TSHZ2: variants seen among roughly 807,000 people sequenced by gnomAD.
TSHZ2 encodes teashirt homolog 2.
Under a neutral mutation model 74.4 loss-of-function variants are expected in TSHZ2, and 21 were observed. The ratio of observed to expected loss-of-function variants is 0.28; its 90% CI spans 0.20 to 0.41. The LOEUF (loss-of-function observed/expected upper bound fraction) is 0.41, where lower values mean the gene tolerates loss of function less well. TSHZ2 is among the 10% of genes least tolerant of loss of function. The probability of loss-of-function intolerance (pLI) is 1.00; values close to 1 mark genes in which losing one functional copy is unlikely to be tolerated. For synonymous variants in TSHZ2, 540 were observed against 515.3 expected (o/e 1.05, Z -0.65); for missense variants, 1,244 against 1,293.5 (o/e 0.96, Z 0.59).
At chr20:53,194,676 G>A (rs1020679697) in intron 1 of TSHZ2, among the ~76,000 whole-genome samples, 1 of 152,246 alleles carries the variant, frequency 6.6e-6, no homozygotes, top group South Asian at 2.1e-4. Flanking sequence ...CATTAAGTCA[G>A]TGGCATTAAT....
At chr20:53,117,534 A>T (rs6126759) in intron 1 of TSHZ2, among the ~76,000 whole-genome samples, 1 of 152,162 alleles carries the variant, frequency 6.6e-6, no homozygotes, top group Non-Finnish European at 1.5e-5. Flanking sequence ...CATTGTGCAC[A>T]TAAGACAGGG....
At position 53,436,533 on chromosome 20, in the gene TSHZ2, A is replaced by ATT. The variant is rs1444141242; in HGVS notation, c.*9-50610_*9-50609dup. ...GGGCTTATTTTATTTATTTATTATTATTATTATTATTATTATTTTTTTTTT... is the reference window on the plus strand; with the variant it reads ...GGGCTTATTTTATTTATTTATTATTATTTTATTATTATTATTATTTTTTTTTT... On this transcript the variant is annotated intron_variant, in intron 2 of 2. Coordinates refer to ENST00000371497, the MANE Select transcript of TSHZ2 (RefSeq NM_173485.6). 7.6e-4 allele frequency among the ~76,000 whole-genome samples: 88 copies of ATT among 115,844 alleles called. 1 individual carries two copies. The highest frequency in any genetic ancestry group is 2.1e-3 in the African/African-American group (61 of 28,518). 76.0% of individuals were successfully genotyped at this position (115,844 alleles called of 152,430 possible). A position where few individuals can be genotyped will look rare whatever the true frequency, so the allele number is the denominator to read the frequency against.
intron 1 of TSHZ2, among the ~76,000 whole-genome samples, chr20:53,120,119 C>G (rs1258566487): frequency 1.3e-5 from 2 of 152,232 alleles, no homozygotes; most frequent in East Asian, 3.8e-4. Flanking sequence ...TTTCCATCCA[C>G]CACGGATACA....
Position 53,029,803 on chromosome 20 carries a change from ACT to A in TSHZ2, c.40+56472_40+56473del, listed in dbSNP as rs58368110. ...ATGATCACATTTTGTGTTTTATAAAACTCAAAGTGGGAGGAGCTTTCCTTTTT... is the reference window on the plus strand; with the variant it reads ...ATGATCACATTTTGTGTTTTATAAAACAAAGTGGGAGGAGCTTTCCTTTTT... On this transcript the variant is annotated intron_variant, in intron 1 of 2. Transcript: ENST00000371497. Among the ~76,000 whole-genome samples, 1,003 of 152,274 alleles carry A rather than the reference ACT, an allele frequency of 6.6e-3. 7 individuals carry two copies. The highest frequency in any genetic ancestry group is 0.023 in the African/African-American group (966 of 41,538).
intron 2 of TSHZ2, among the ~76,000 whole-genome samples, chr20:53,315,278 G>T (rs1978957819): frequency 6.6e-6 from 1 of 152,160 alleles, no homozygotes; most frequent in African/African-American, 2.4e-5. Flanking sequence ...TGTAGATTTG[G>T]TAAATAACAC....
At chr20:53,339,677 G>A (rs1980101334) in intron 2 of TSHZ2, among the ~76,000 whole-genome samples, 1 of 152,106 alleles carries the variant, frequency 6.6e-6, no homozygotes, top group Admixed American at 6.6e-5. Flanking sequence ...CATGAAGCTG[G>A]CCCTGGAATG....
At chr20:53,366,633 TGA>T (rs1399372887) in intron 2 of TSHZ2, among the ~76,000 whole-genome samples, 1 of 152,132 alleles carries the variant, frequency 6.6e-6, no homozygotes, top group East Asian at 1.9e-4. Context: ...AGACATTAAA[TGA>T]GAGAGGCTAG....
At chr20:53,144,841 T>C (rs1987500677) in intron 1 of TSHZ2, among the ~76,000 whole-genome samples, 1 of 151,190 alleles carries the variant, frequency 6.6e-6, no homozygotes, top group South Asian at 2.1e-4. Flanking sequence ...GAAAGATGAA[T>C]TAAATATATA....
chr20:52,980,830 G>A (rs532983522), intron 1 of TSHZ2, among the ~76,000 whole-genome samples: 15 of 152,190 alleles, frequency 9.9e-5, no homozygotes, highest in Non-Finnish European at 2.2e-4. Flanking sequence ...GTGTAAGTGA[G>A]AGCAGTGGCA....
intron 2 of TSHZ2, among the ~76,000 whole-genome samples, chr20:53,277,865 G>T (rs1990977488): frequency 6.6e-6 from 1 of 152,192 alleles, no homozygotes; most frequent in African/African-American, 2.4e-5. Context: ...GCTGAGATTG[G>T]TCCACCCAGA....
chr20:53,007,718 G>T (rs965315851), intron 1 of TSHZ2, among the ~76,000 whole-genome samples: 1 of 143,944 alleles, frequency 6.9e-6, no homozygotes, highest in Non-Finnish European at 1.5e-5. Context: ...ATGTATACTC[G>T]TGTGTGTGTA....
chr20:53,436,533 A>ATTTTT (rs1444141242), intron 2 of TSHZ2, among the ~76,000 whole-genome samples: 9 of 115,968 alleles, frequency 7.8e-5, no homozygotes, highest in African/African-American at 2.8e-4. Flanking sequence ...ATTTATTATT[A>ATTTTT]TTATTATTAT....
intron 1 of TSHZ2, among the ~76,000 whole-genome samples, chr20:53,121,464 T>G (rs1046303590): frequency 6.6e-6 from 1 of 152,174 alleles, no homozygotes; most frequent in Admixed American, 6.5e-5. Context: ...TGGCAGGCAG[T>G]TGACACTGCA....
At chr20:53,357,431 G>A (rs1399248476) in intron 2 of TSHZ2, among the ~76,000 whole-genome samples, 1 of 152,084 alleles carries the variant, frequency 6.6e-6, no homozygotes, top group Non-Finnish European at 1.5e-5. Context: ...TTGGGAGGCT[G>A]AAGTGGGAGA....
At chr20:53,175,979 C>T (rs969533126) in intron 1 of TSHZ2, among the ~76,000 whole-genome samples, 7 of 152,178 alleles carry the variant, frequency 4.6e-5, no homozygotes, top group African/African-American at 1.7e-4. Context: ...AAATAAACAA[C>T]GTAATTTCAG....
At chr20:53,236,724 C>T (rs1396788265) in intron 1 of TSHZ2, among the ~76,000 whole-genome samples, 1 of 152,314 alleles carries the variant, frequency 6.6e-6, no homozygotes, top group East Asian at 1.9e-4. Flanking sequence ...CACAGTTCTG[C>T]ATTACTTGAG....
At chr20:53,172,203 G>A (rs531302268) in intron 1 of TSHZ2, among the ~76,000 whole-genome samples, 3 of 152,200 alleles carry the variant, frequency 2.0e-5, no homozygotes, top group African/African-American at 7.2e-5. Flanking sequence ...GAATTAAAGT[G>A]TAAGTCCCAA....
chr20:53,254,160 G>C lies in TSHZ2; in HGVS notation c.702G>C (p.Met234Ile). 6.2e-7 allele frequency: 1 copy of C among 1,614,112 alleles called. No homozygotes were observed. Among genetic ancestry groups the C allele is most frequent in the Non-Finnish European group, 8.5e-7 (1 of 1,180,020 alleles). Residue 234 changes from methionine to isoleucine, a missense_variant, in exon 2 of 3, where the codon ATG becomes ATC. Transcript: ENST00000371497. ...CCCTAGTCGAGCTGACTGTGCACAT[G>C]AATGAAACGGGCCACTATCAAGATG... ...YDTLVELTVH[M>I]NETGHYQDDN...
At chr20:53,119,320 C>T (rs980326471) in intron 1 of TSHZ2, among the ~76,000 whole-genome samples, 5 of 152,178 alleles carry the variant, frequency 3.3e-5, no homozygotes, top group African/African-American at 7.2e-5. Flanking sequence ...TTCTAGATAT[C>T]GGTGTCACAT....
Sources: allele counts gnomAD v4.1 joint callset (sites outside exome capture counted in the v4.1 genomes callset), GRCh38; gene constraint gnomAD v4.1.1; transcripts MANE v1.5; gene names NCBI Gene and HGNC (gene_info 2026-07-23, HGNC 2026-07-21).